DAB1: variants seen among roughly 807,000 people sequenced by gnomAD.
DAB1 encodes disabled homolog 1.
In DAB1, 15 loss-of-function variants were observed where a neutral mutation model predicts 64.6. The ratio of observed to expected loss-of-function variants is 0.23; its 90% CI spans 0.16 to 0.36. DAB1 has a LOEUF of 0.36. Among genes scored for constraint, DAB1 ranks in the 10% least tolerant of loss-of-function variants. DAB1 has a pLI of 1.00. For missense variants in DAB1, 596 were observed against 706.7 expected, an observed-to-expected ratio of 0.84 and a Z score of 1.78; for synonymous variants, 235 against 251.9, an observed-to-expected ratio of 0.93 and a Z score of 0.64.
chr1:57,290,765 T>A (rs1275645810), intron 2 of DAB1, among the ~76,000 whole-genome samples, 199 bp downstream of exon 2: 2 of 152,202 alleles, frequency 1.3e-5, no homozygotes, highest in Non-Finnish European at 2.9e-5. Flanking sequence ...AACTCATTCC[T>A]GTGCAGAAAA....
chr1:58,037,330 C>T (rs1342399495), intron 5 of DAB1, among the ~76,000 whole-genome samples: 1 of 152,138 alleles, frequency 6.6e-6, no homozygotes, highest in East Asian at 1.9e-4. Flanking sequence ...GAGGCGGGGT[C>T]TATGCTGCCT....
rs117486034 is a variant in DAB1, at chr1:58,232,031, T to C, written n.310-81443A>G. 9.3e-4 allele frequency among the ~76,000 whole-genome samples: 141 copies of C among 152,304 alleles called. 3 individuals are homozygous for C. The East Asian group carries it at 0.021, about 23-fold the overall frequency. ...CCCATGCTCTTTCCCATAAACTATT[T>C]TGTGCTATTTTGTTTTTCTGTTTTT... On this transcript the variant is annotated intron_variant and non_coding_transcript_variant, in intron 4 of 20. Transcript: ENST00000485760.
intron 4 of DAB1, among the ~76,000 whole-genome samples, chr1:57,098,203 G>A (rs1226340789): frequency 1.3e-5 from 2 of 152,104 alleles, no homozygotes; most frequent in Non-Finnish European, 2.9e-5. Context: ...AATAAATATA[G>A]CTTCTCTCAG....
At chr1:57,952,187 C>T (rs1334848722) in intron 5 of DAB1, among the ~76,000 whole-genome samples, 1 of 152,080 alleles carries the variant, frequency 6.6e-6, no homozygotes, top group Non-Finnish European at 1.5e-5. Context: ...ACAAGAAGCA[C>T]TGTTGTGGAT....
At chr1:57,280,753 A>C (rs1671823233) in intron 2 of DAB1, among the ~76,000 whole-genome samples, 1 of 152,190 alleles carries the variant, frequency 6.6e-6, no homozygotes, top group Non-Finnish European at 1.5e-5. Context: ...AGCTGTCTGA[A>C]TTGTAGGAAT....
intron 5 of DAB1, among the ~76,000 whole-genome samples, chr1:58,113,241 T>C (rs528972055): frequency 2.6e-5 from 4 of 152,132 alleles, no homozygotes; most frequent in East Asian, 3.9e-4. Context: ...GATGAGATGA[T>C]GGGCAGGATT....
chr1:58,344,486 G>T (rs1432141197), intron 3 of DAB1, among the ~76,000 whole-genome samples: 1 of 152,122 alleles, frequency 6.6e-6, no homozygotes, highest in African/African-American at 2.4e-5. Context: ...TGACAACAGA[G>T]AATGAGAAGG....
chr1:57,040,637 A>G (rs1448666218), intron 9 of DAB1, among the ~76,000 whole-genome samples: 2 of 152,230 alleles, frequency 1.3e-5, no homozygotes, highest in Non-Finnish European at 2.9e-5. Context: ...ATGCACAGGT[A>G]TAAATATACA....
chr1:57,651,239 A>G (rs1197099829), intron 6 of DAB1, among the ~76,000 whole-genome samples: 1 of 152,190 alleles, frequency 6.6e-6, no homozygotes, highest in Admixed American at 6.5e-5. Context: ...TGATTTTCCA[A>G]TGTATTCCAA....
At chr1:57,202,906 G>C (rs1404534023) in intron 2 of DAB1, among the ~76,000 whole-genome samples, 1 of 152,020 alleles carries the variant, frequency 6.6e-6, no homozygotes, top group Non-Finnish European at 1.5e-5. Context: ...TTCATTCTCT[G>C]GTAATTAACA....
chr1:57,236,639 GA>G (rs1464422376), intron 2 of DAB1, among the ~76,000 whole-genome samples: 1 of 152,210 alleles, frequency 6.6e-6, no homozygotes, highest in East Asian at 1.9e-4. Context: ...TCATGCTACA[GA>G]GCTTATCTTT....
chr1:57,658,282 T>C (rs1005370876), intron 6 of DAB1, among the ~76,000 whole-genome samples: 1 of 151,854 alleles, frequency 6.6e-6, no homozygotes, highest in Non-Finnish European at 1.5e-5. Context: ...TTCCTTGTAC[T>C]GCTCCTTGCT....
intron 1 of DAB1, among the ~76,000 whole-genome samples, chr1:57,833,814 A>G (rs1414346669): frequency 6.6e-6 from 1 of 152,190 alleles, no homozygotes; most frequent in Non-Finnish European, 1.5e-5. Context: ...GGCCAGTAAA[A>G]TGAGGAAAGA....
chr1:57,687,902 T>C (rs190737708), intron 6 of DAB1, among the ~76,000 whole-genome samples: 178 of 152,268 alleles, frequency 1.2e-3, no homozygotes, highest in African/African-American at 4.1e-3. Flanking sequence ...CTTTTCAGCA[T>C]ATACAAAAAT....
At chr1:58,404,963 C>T (rs1471586573) in intron 3 of DAB1, among the ~76,000 whole-genome samples, 1 of 152,154 alleles carries the variant, frequency 6.6e-6, no homozygotes, top group African/African-American at 2.4e-5. Flanking sequence ...CCCGGCTGTG[C>T]CCTATTAGGC....
chr1:57,186,801 G>A lies in DAB1; in HGVS notation c.68-41372C>T, dbSNP rs1569814895. On this transcript the variant is annotated intron_variant, in intron 2 of 14. Transcript: ENST00000371236. ...TTCCAAGTGATGGCTTGTCTGGAGTGTTAGGATGCTTTGCTGGGAAATTAA... is the reference window on the plus strand; with the variant it reads ...TTCCAAGTGATGGCTTGTCTGGAGTATTAGGATGCTTTGCTGGGAAATTAA... Among the ~76,000 whole-genome samples the A allele has an allele frequency of 2.0e-5, 3 of 152,316 alleles. No homozygotes were observed. The South Asian group carries it at 6.2e-4, about 32-fold the overall frequency.
chr1:57,016,559 T>C (rs112847526), intron 11 of DAB1, among the ~76,000 whole-genome samples: 28 of 151,772 alleles, frequency 1.8e-4, no homozygotes, highest in African/African-American at 6.3e-4. Context: ...CTACTGCACT[T>C]CAGCCTGGGT....
At chr1:57,601,114 G>A (rs1645571330) in intron 7 of DAB1, among the ~76,000 whole-genome samples, 1 of 152,008 alleles carries the variant, frequency 6.6e-6, no homozygotes, top group South Asian at 2.1e-4. Flanking sequence ...CTGCATACAT[G>A]TTTATGCCTT....
At chr1:57,588,911 A>C (rs997054604) in intron 7 of DAB1, among the ~76,000 whole-genome samples, 1 of 152,228 alleles carries the variant, frequency 6.6e-6, no homozygotes, top group African/African-American at 2.4e-5. Flanking sequence ...TTACCCCTAA[A>C]TATAGTCCAG....
Sources: gnomAD v4.1 joint callset for allele counts (sites outside exome capture counted in the v4.1 genomes callset) on GRCh38, gnomAD v4.1.1 for gene constraint, MANE v1.5 for transcripts, NCBI Gene and HGNC (gene_info 2026-07-23, HGNC 2026-07-21) for gene names.